ADIPOR2: variants seen among roughly 807,000 people sequenced by gnomAD.
ADIPOR2 encodes adiponectin receptor protein 2.
Under a neutral mutation model 40.9 loss-of-function variants are expected in ADIPOR2, and 18 were observed. The ratio of observed to expected loss-of-function variants is 0.44; its 90% CI spans 0.30 to 0.65. The LOEUF is 0.65. Among genes scored for constraint, ADIPOR2 ranks in the 30% least tolerant of loss-of-function variants. The pLI is 0.09. For synonymous variants in ADIPOR2, 165 were observed against 166.4 expected, an observed-to-expected ratio of 0.99 and a Z score of 0.06; for missense variants, 283 against 479.2, an observed-to-expected ratio of 0.59 and a Z score of 3.82.
intron 3 of ADIPOR2, among the ~76,000 whole-genome samples, chr12:1,775,405 A>C (rs1468495682): frequency 3.3e-5 from 5 of 152,224 alleles, no homozygotes; most frequent in Admixed American, 3.3e-4. Context: ...TGTAATTAAG[A>C]AAGTATAGCT....
rs1157398518 is a variant in ADIPOR2, at chr12:1,786,373, T to C, written c.*301T>C. On this transcript the variant is annotated 3_prime_UTR_variant, in exon 8 of 8. Coordinates refer to ENST00000357103, the MANE Select transcript of ADIPOR2 (RefSeq NM_024551.3). ...AGACCCTTGGCAAACTGGCTTCTGA[T>C]CCATATCATATTTATTTGTAGAAGA... is the stretch of plus-strand genomic sequence containing the variant. 1 of 302,170 alleles carries C rather than the reference T, an allele frequency of 3.3e-6. No individual in the cohort carries two copies. The highest frequency in any genetic ancestry group is 6.1e-6 in the Non-Finnish European group (1 of 162,698). The allele number at this position is 302,170 out of a possible 1,614,324, so 18.7% of individuals were successfully genotyped here.
At chr12:1,747,071 A>AC (rs1308687028) in intron 1 of ADIPOR2, among the ~76,000 whole-genome samples, 1 of 146,564 alleles carries the variant, frequency 6.8e-6, no homozygotes, top group East Asian at 2.1e-4. Context: ...AAAAAATAAA[A>AC]AAAACAAAAC....
chr12:1,710,018 G>T (rs1399046861), intron 1 of ADIPOR2, among the ~76,000 whole-genome samples: 1 of 152,124 alleles, frequency 6.6e-6, no homozygotes, highest in Admixed American at 6.5e-5. Context: ...TCTGTTGTTG[G>T]TTCTAAAACA....
intron 4 of ADIPOR2, chr12:1,778,361 A>AATGC (rs1862642545): frequency 5.4e-6 from 1 of 185,870 alleles, no homozygotes; most frequent in African/African-American, 2.4e-5. Context: ...GATCTTTTAA[A>AATGC]ATGCATTACT....
At chr12:1,705,181 C>T (rs754854292) in intron 1 of ADIPOR2, among the ~76,000 whole-genome samples, 1 of 152,140 alleles carries the variant, frequency 6.6e-6, no homozygotes, top group Non-Finnish European at 1.5e-5. Flanking sequence ...CATGTTTTAT[C>T]TGAACAGATT....
chr12:1,696,989 C>G (rs2094640457), intron 1 of ADIPOR2: 1 of 152,426 alleles, frequency 6.6e-6, no homozygotes, highest in Non-Finnish European at 1.5e-5. Flanking sequence ...ATCTCTGGGA[C>G]TAACAGGTGA....
intron 7 of ADIPOR2, among the ~76,000 whole-genome samples, chr12:1,785,491 A>G (rs1185733891): frequency 6.6e-6 from 1 of 152,238 alleles, no homozygotes; most frequent in East Asian, 1.9e-4. Flanking sequence ...TTAAATGACC[A>G]TAGCTCTAGT....
chr12:1,722,028 C>T (rs11608456), intron 1 of ADIPOR2, among the ~76,000 whole-genome samples: 9,500 of 152,114 alleles, frequency 0.062, 464 homozygotes, highest in East Asian at 0.18. Context: ...GCAGGGGGAA[C>T]GCCTTTTGAA....
At chr12:1,781,140 TTAAAG>T in intron 6 of ADIPOR2, 64 bp downstream of exon 6, 1 of 1,439,684 alleles carries the variant, frequency 6.9e-7, no homozygotes, top group South Asian at 1.5e-5. Flanking sequence ...TCACTATTTA[TTAAAG>T]TTCTACCATT....
intron 1 of ADIPOR2, among the ~76,000 whole-genome samples, chr12:1,711,928 C>G (rs967428727): frequency 1.3e-5 from 2 of 152,116 alleles, no homozygotes; most frequent in Non-Finnish European, 2.9e-5. Context: ...ATCATGGGCA[C>G]GAAGGATTAG....
chr12:1,695,962 C>T (rs903018354), intron 1 of ADIPOR2: 2 of 152,486 alleles, frequency 1.3e-5, no homozygotes, highest in African/African-American at 4.9e-5. Context: ...CAAAGTTCTT[C>T]TTTTTTCTCT....
Position 1,778,040 on chromosome 12 carries a change from T to C in ADIPOR2, c.463+15T>C. ...ACATCTCTTAGGTATGTAATGTCAG[T>C]GATGTAATGAGCTGGTGATTCACTT... On this transcript the variant is annotated intron_variant, in intron 4 of 7. Transcript: ENST00000357103. 3 of 1,605,520 alleles carry C rather than the reference T, an allele frequency of 1.9e-6. No individual in the cohort carries two copies. Among genetic ancestry groups the C allele is most frequent in the Non-Finnish European group, 2.6e-6 (3 of 1,175,846 alleles).
At chr12:1,774,076 G>A (rs1018929150) in intron 3 of ADIPOR2, among the ~76,000 whole-genome samples, 5 of 152,196 alleles carry the variant, frequency 3.3e-5, no homozygotes, top group African/African-American at 1.2e-4. Flanking sequence ...AGTGATCACT[G>A]TCTCAGGAGA....
chr12:1,754,262 A>G lies in ADIPOR2; in HGVS notation c.-82A>G. 7.4e-7 allele frequency: 1 copy of G among 1,342,598 alleles called. No homozygotes were observed. The highest frequency in any genetic ancestry group is 2.0e-4 in the Middle Eastern group (1 of 4,920). 83.2% of individuals were successfully genotyped at this position (1,342,598 alleles called of 1,614,324 possible). On this transcript the variant is annotated 5_prime_UTR_variant, in exon 2 of 8. Coordinates refer to ENST00000357103, the MANE Select transcript of ADIPOR2 (RefSeq NM_024551.3). ...TCAAAACTTTCATCTTCTTAGGATC[A>G]ACTCACTATCCTGAAGGTCCATTCT... is the stretch of plus-strand genomic sequence containing the variant.
chr12:1,723,024 TA>T (rs1408882410), intron 1 of ADIPOR2, among the ~76,000 whole-genome samples: 3 of 152,240 alleles, frequency 2.0e-5, no homozygotes, highest in Non-Finnish European at 4.4e-5. Flanking sequence ...TCTAAATTGT[TA>T]CACAAATATA....
At chr12:1,736,147 T>C (rs1422847096) in intron 1 of ADIPOR2, among the ~76,000 whole-genome samples, 2 of 152,226 alleles carry the variant, frequency 1.3e-5, no homozygotes, top group Non-Finnish European at 1.5e-5. Flanking sequence ...TTCTATTGAT[T>C]GGAATAGTTT....
At chr12:1,702,296 C>T (rs1294529174) in intron 1 of ADIPOR2, among the ~76,000 whole-genome samples, 3 of 152,120 alleles carry the variant, frequency 2.0e-5, no homozygotes, top group Non-Finnish European at 4.4e-5. Flanking sequence ...TGAAATGAAG[C>T]CCTCTATGGT....
chr12:1,774,096 A>G (rs1283739330), intron 3 of ADIPOR2, among the ~76,000 whole-genome samples: 1 of 152,180 alleles, frequency 6.6e-6, no homozygotes, highest in Non-Finnish European at 1.5e-5. Flanking sequence ...AATTAGCACA[A>G]AGGGATACAA....
intron 2 of ADIPOR2, among the ~76,000 whole-genome samples, chr12:1,762,109 C>T (rs893669678): frequency 1.5e-4 from 23 of 152,216 alleles, no homozygotes; most frequent in African/African-American, 5.3e-4. Context: ...AGCCTTCAAA[C>T]ATGGCTCTTT....
Sources: allele counts gnomAD v4.1 joint callset (sites outside exome capture counted in the v4.1 genomes callset), GRCh38; gene constraint gnomAD v4.1.1; transcripts MANE v1.5; gene names NCBI Gene and HGNC (gene_info 2026-07-23, HGNC 2026-07-21).